Variants in RECK observed in about 807,000 individuals in gnomAD.
RECK encodes the protein reversion-inducing cysteine-rich protein with Kazal motifs.
In RECK, 69 loss-of-function variants were observed where a neutral mutation model predicts 115.1. The observed-to-expected ratio is 0.60, with a 90% CI of 0.49 to 0.73. The LOEUF (loss-of-function observed/expected upper bound fraction) is 0.73. Among genes scored for constraint, RECK ranks in the 30% least tolerant of loss-of-function variants. The pLI is 0.00. For missense variants in RECK, 1,047 were observed against 1,203.7 expected, an observed-to-expected ratio of 0.87 and a Z score of 1.93; for synonymous variants, 414 against 419.7, an observed-to-expected ratio of 0.99 and a Z score of 0.17.
intron 6 of RECK, among the ~76,000 whole-genome samples, chr9:36,074,259 T>C (rs1472258920): frequency 6.6e-6 from 1 of 152,240 alleles, no homozygotes; most frequent in Non-Finnish European, 1.5e-5. Context: ...TTTAAACTAA[T>C]CCCTGAGTTC....
At chr9:36,046,815 G>T (rs1821086910) in intron 1 of RECK, among the ~76,000 whole-genome samples, 1 of 152,054 alleles carries the variant, frequency 6.6e-6, no homozygotes, top group South Asian at 2.1e-4. Context: ...ATGAAAAAAA[G>T]AATTATTTTA....
intron 10 of RECK, among the ~76,000 whole-genome samples, chr9:36,095,719 C>T (rs1191469605): frequency 6.6e-6 from 1 of 151,752 alleles, no homozygotes; most frequent in African/African-American, 2.4e-5. Context: ...GTTGGAATGC[C>T]TGAGCTCAGG....
intron 15 of RECK, 72 bp downstream of exon 15, chr9:36,110,151 G>T: frequency 6.6e-7 from 1 of 1,510,210 alleles, no homozygotes; most frequent in Non-Finnish European, 9.0e-7. Flanking sequence ...CTTCAAGGCA[G>T]CTTCTCCAGT....
Position 36,058,912 on chromosome 9 carries a change from TTG to T in RECK, c.234+13_234+14del. The T allele has an allele frequency of 1.3e-6, 2 of 1,503,356 alleles. No homozygotes were observed. The allele number at this position is 1,503,356 out of a possible 1,614,324, so 93.1% of individuals were successfully genotyped here. A position where few individuals can be genotyped will look rare whatever the true frequency, so the allele number is the denominator to read the frequency against. On this transcript the variant is annotated intron_variant, in intron 3 of 20. Coordinates refer to ENST00000377966, the MANE Select transcript of RECK (RefSeq NM_021111.3). ...TGCCCAGAGACAATGGTAAGTCTTA[TTG>T]TAACTTAACTGTAGAAGCTTCTGTC... is the stretch of plus-strand genomic sequence containing the variant.
chr9:36,087,655 A>G (rs892411883), intron 8 of RECK, 39 bp from the exon 9 acceptor site: 2 of 1,587,582 alleles, frequency 1.3e-6, no homozygotes, highest in Admixed American at 1.8e-5. Context: ...ACAAACAAAA[A>G]AAACAGCTAA....
chr9:36,102,224 T>C lies in RECK; in HGVS notation c.1429T>C (p.Tyr477His). ...GAAGAATTGTATACCTTTGGATACATACCTCAGTAAGTACTTTTTTGTATG... is the reference window on the plus strand; with the variant it reads ...GAAGAATTGTATACCTTTGGATACACACCTCAGTAAGTACTTTTTTGTATG... ...DLKNCIPLDT[Y>H]LRPSTLGNIV... The change falls in exon 12 of 21, where the codon TAC (tyrosine) becomes CAC (histidine). Residue 477 changes from tyrosine to histidine, a missense_variant. Physicochemically the swap from Tyr to His is moderately conservative, Grantham distance 83. Transcript: ENST00000377966. 6.2e-7 allele frequency: 1 copy of C among 1,603,006 alleles called. No individual in the cohort carries two copies. The highest frequency in any genetic ancestry group is 8.5e-7 in the Non-Finnish European group (1 of 1,175,890).
chr9:36,111,101 G>A (rs1824025052), intron 15 of RECK, among the ~76,000 whole-genome samples: 1 of 152,148 alleles, frequency 6.6e-6, no homozygotes, highest in South Asian at 2.1e-4. Flanking sequence ...AAATTTTTTT[G>A]TTAATGTCTA....
intron 10 of RECK, among the ~76,000 whole-genome samples, chr9:36,092,453 C>T (rs981313789): frequency 2.6e-5 from 4 of 151,766 alleles, no homozygotes; most frequent in Admixed American, 2.6e-4. Context: ...CTCACTGCAA[C>T]CTCCGCCTCC....
At chr9:36,067,650 G>A (rs1403125233) in intron 6 of RECK, among the ~76,000 whole-genome samples, 1 of 152,102 alleles carries the variant, frequency 6.6e-6, no homozygotes, top group African/African-American at 2.4e-5. Flanking sequence ...ACAAGTACCT[G>A]TTGAATACTT....
chr9:36,058,095 C>G (rs62543607), intron 2 of RECK, among the ~76,000 whole-genome samples: 1 of 149,690 alleles, frequency 6.7e-6, no homozygotes, highest in Non-Finnish European at 1.5e-5. Flanking sequence ...GTCAGTGTGG[C>G]GATTCCTCAG....
intron 13 of RECK, among the ~76,000 whole-genome samples, chr9:36,107,105 CAAA>C (rs34425685): frequency 0.1 from 8,442 of 82,396 alleles, 213 homozygotes; most frequent in Non-Finnish European, 0.12. Flanking sequence ...GACTCCGTCT[CAAA>C]AAAAAAAAAA....
At position 36,065,595 on chromosome 9, in the gene RECK, A is replaced by G; in HGVS notation, c.376A>G (p.Ile126Val). The G allele has an allele frequency of 1.3e-6, 2 of 1,588,202 alleles. No homozygotes were observed. The highest frequency in any genetic ancestry group is 1.7e-6 in the Non-Finnish European group (2 of 1,169,346). ...ACKQASSKNDISKVCRKEYEN... is the reference protein window; with the variant it reads ...ACKQASSKNDVSKVCRKEYEN... ...TTTTTAGGCATCTTCAAAGAATGAT[A>G]TTTCCAAAGTTTGCAGAAAAGAATA... Residue 126 changes from isoleucine to valine, a missense_variant, in exon 6 of 21, where the codon ATT becomes GTT. Physicochemically the swap from Ile to Val is conservative, Grantham distance 29. Coordinates refer to ENST00000377966, the MANE Select transcript of RECK (RefSeq NM_021111.3).
At chr9:36,098,831 A>G (rs1564127891) in intron 10 of RECK, among the ~76,000 whole-genome samples, 1 of 152,260 alleles carries the variant, frequency 6.6e-6, no homozygotes, top group Non-Finnish European at 1.5e-5. Context: ...AGATCCAAGA[A>G]TAGGCAAATG....
intron 2 of RECK, among the ~76,000 whole-genome samples, chr9:36,057,884 C>CA (rs1303409255): frequency 6.6e-6 from 1 of 151,606 alleles, no homozygotes; most frequent in Non-Finnish European, 1.5e-5. Flanking sequence ...TTTATGCAGC[C>CA]AAAAAACACA....
intron 20 of RECK, among the ~76,000 whole-genome samples, chr9:36,122,620 G>A (rs954583308): frequency 6.6e-6 from 1 of 152,090 alleles, no homozygotes. Flanking sequence ...TTCTTTTCTG[G>A]TTTGATTTCC....
At chr9:36,062,968 C>T (rs1306878045) in intron 4 of RECK, among the ~76,000 whole-genome samples, 7 of 152,040 alleles carry the variant, frequency 4.6e-5, no homozygotes, top group South Asian at 4.2e-4. Context: ...AATCCCATCT[C>T]TACTAAAAAT....
intron 10 of RECK, among the ~76,000 whole-genome samples, chr9:36,098,206 A>G (rs1371842170): frequency 6.6e-6 from 1 of 152,172 alleles, no homozygotes; most frequent in Non-Finnish European, 1.5e-5. Context: ...CCAAGAGAGT[A>G]GATGTTAAAT....
intron 2 of RECK, among the ~76,000 whole-genome samples, chr9:36,058,203 CTA>C: frequency 6.6e-6 from 1 of 152,206 alleles, no homozygotes; most frequent in East Asian, 1.9e-4. Flanking sequence ...TACATGCACA[CTA>C]TGTTTTTTGC....
At chr9:36,050,318 T>C (rs141889213) in intron 1 of RECK, among the ~76,000 whole-genome samples, 26 of 152,362 alleles carry the variant, frequency 1.7e-4, no homozygotes, top group African/African-American at 6.0e-4. Context: ...TAGATATTTC[T>C]GTTTTCCCAC....
Sources: allele counts gnomAD v4.1 joint callset (sites outside exome capture counted in the v4.1 genomes callset), GRCh38; gene constraint gnomAD v4.1.1; transcripts MANE v1.5; gene names NCBI Gene and HGNC (gene_info 2026-07-23, HGNC 2026-07-21).